The following CPNE9 variants were observed in gnomAD, a reference collection of about 807,000 sequenced individuals.
CPNE9 encodes the protein copine-9.
A neutral mutation model predicts 83.0 loss-of-function variants in CPNE9; 59 were observed. The ratio of observed to expected loss-of-function variants is 0.71; its 90% CI spans 0.58 to 0.88. The LOEUF (loss-of-function observed/expected upper bound fraction) is 0.88. Among genes scored for constraint, CPNE9 ranks in the 40% least tolerant of loss-of-function variants. CPNE9 has a pLI of 0.00. For synonymous variants in CPNE9, 256 were observed against 273.4 expected, an observed-to-expected ratio of 0.94 and a Z score of 0.63; for missense variants, 619 against 720.8, an observed-to-expected ratio of 0.86 and a Z score of 1.62.
intron 7 of CPNE9, among the ~76,000 whole-genome samples, chr3:9,712,315 G>A (rs1428708829): frequency 2.0e-5 from 3 of 152,152 alleles, no homozygotes; most frequent in African/African-American, 7.2e-5. Context: ...TCTTTCTCAT[G>A]CTACTGTTGT....
intron 17 of CPNE9, among the ~76,000 whole-genome samples, chr3:9,720,274 G>C (rs1306070824): frequency 6.6e-6 from 1 of 151,826 alleles, no homozygotes; most frequent in Non-Finnish European, 1.5e-5. Flanking sequence ...CCCTCAGAAA[G>C]CTCAGAAGTA....
At chr3:9,707,888 A>C (rs973089512) in intron 7 of CPNE9, among the ~76,000 whole-genome samples, 1 of 152,074 alleles carries the variant, frequency 6.6e-6, no homozygotes, top group Non-Finnish European at 1.5e-5. Context: ...TTATAAACAT[A>C]TAAAATGTTA....
Position 9,704,155 on chromosome 3 carries a change from C to T in CPNE9, c.68+91C>T. The T allele has an allele frequency of 1.6e-6, 2 of 1,249,806 alleles. No homozygotes were observed. Among genetic ancestry groups the T allele is most frequent in the Admixed American group, 2.5e-5 (1 of 39,842 alleles). The allele number at this position is 1,249,806 out of a possible 1,614,324, so 77.4% of individuals were successfully genotyped here. A position where few individuals can be genotyped will look rare whatever the true frequency, so the allele number is the denominator to read the frequency against. On this transcript the variant is annotated intron_variant, in intron 1 of 20. Transcript: ENST00000383832. This position sits in a 1 kb window ranked among gnomAD's most constrained non-coding sequence, Gnocchi z 7.1. The stretch of plus-strand genomic sequence containing the variant: ...CTCAGCCTGGGCAGGGGCTAGACCC[C>T]CGGGGAGAGGCGAAATTGGCTGGAA...
At chr3:9,708,318 A>C (rs923265441) in intron 7 of CPNE9, among the ~76,000 whole-genome samples, 2 of 152,178 alleles carry the variant, frequency 1.3e-5, no homozygotes, top group Non-Finnish European at 2.9e-5. Flanking sequence ...AGGACGGGAG[A>C]AAAAGAGAGA....
At chr3:9,718,712 C>A in intron 17 of CPNE9, 110 bp downstream of exon 17, 3 of 1,308,650 alleles carry the variant, frequency 2.3e-6, no homozygotes, top group Non-Finnish European at 2.1e-6. Flanking sequence ...TTGAAGTAAA[C>A]AGGAGAGGCC....
Position 9,729,701 on chromosome 3 carries a change from C to T in CPNE9, c.*9C>T, listed in dbSNP as rs191841074. On this transcript the variant is annotated 3_prime_UTR_variant, in exon 21 of 21. Transcript: ENST00000383832. ...CTCCAGAGCAGCCCTGAGGATTCCA[C>T]ATATCCAATGCCTCACAGTCTGCAA... is the stretch of plus-strand genomic sequence containing the variant. 93 of 1,606,530 alleles carry T rather than the reference C, an allele frequency of 5.8e-5. No homozygotes were observed. The highest frequency in any genetic ancestry group is 7.2e-5 in the Non-Finnish European group (85 of 1,174,422).
intron 4 of CPNE9, 22 bp from the exon 5 acceptor site, chr3:9,705,442 A>AAC: frequency 5.4e-6 from 3 of 559,448 alleles, no homozygotes; most frequent in Non-Finnish European, 8.6e-6. Flanking sequence ...CCCACCCCAC[A>AAC]CCGGTTCCAC....
chr3:9,704,900 A>G lies in CPNE9; in HGVS notation c.166A>G (p.Thr56Ala), dbSNP rs762105093. 1.9e-6 allele frequency: 3 copies of G among 1,613,034 alleles called. No homozygotes were observed. The highest frequency in any genetic ancestry group is 1.8e-4 in the Middle Eastern group (1 of 5,686). ...ASQEWREFGRTEVIDNTLNPD... is the reference protein window; with the variant it reads ...ASQEWREFGRAEVIDNTLNPD... ...CCACCCCCCTACCCAGTTCGGACGGACCGAGGTGATTGATAACACGCTGAA... is the reference window on the plus strand; with the variant it reads ...CCACCCCCCTACCCAGTTCGGACGGGCCGAGGTGATTGATAACACGCTGAA... Residue 56 changes from threonine to alanine, a missense_variant, in exon 4 of 21, where the codon ACC (threonine) becomes GCC (alanine). Physicochemically the swap from Thr to Ala is moderately conservative, Grantham distance 58 (BLOSUM62 0). Coordinates refer to ENST00000383832, the MANE Select transcript of CPNE9 (RefSeq NM_153635.3). The surrounding 1 kb of genome is among the most constrained non-coding windows in gnomAD (Gnocchi z 7.1).
At chr3:9,722,658 G>T (rs886673991) in intron 17 of CPNE9, among the ~76,000 whole-genome samples, 1 of 151,994 alleles carries the variant, frequency 6.6e-6, no homozygotes, top group Admixed American at 6.6e-5. Flanking sequence ...AAGACCACAG[G>T]TGCATGTCAC....
chr3:9,723,792 C>T (rs998493155), intron 17 of CPNE9, among the ~76,000 whole-genome samples: 1 of 152,190 alleles, frequency 6.6e-6, no homozygotes, highest in Non-Finnish European at 1.5e-5. Flanking sequence ...GATCCTCCTG[C>T]CTCAGCCTCC....
At chr3:9,721,065 T>C (rs951418823) in intron 17 of CPNE9, among the ~76,000 whole-genome samples, 7 of 152,256 alleles carry the variant, frequency 4.6e-5, no homozygotes, top group African/African-American at 1.7e-4. Flanking sequence ...TTACTGTTAC[T>C]ATTATTATCA....
intron 17 of CPNE9, among the ~76,000 whole-genome samples, chr3:9,718,862 G>A (rs2076709745): frequency 7.3e-6 from 1 of 136,550 alleles, no homozygotes; most frequent in Non-Finnish European, 1.5e-5. Context: ...TTTTGAGACA[G>A]AGTCTTGCTC....
rs1248010985 is a variant in CPNE9, at chr3:9,729,621, AC to A, written c.1593del (p.Arg532GlufsTer65). On this transcript the variant is annotated frameshift_variant, in exon 21 of 21. Transcript: ENST00000383832. LOFTEE classifies it high-confidence loss of function. ...GGAGCAGCTGCTGTCCTATATGCGC[AC>A]CAGAGACATCCAGCCTCGGCCCCCA... ...IPEQLLSYMRTRDIQPRPPPP... is the reference protein window; with the variant it reads ...IPEQLLSYMRXRDIQPRPPPP... The A allele has an allele frequency of 6.2e-7, 1 of 1,614,020 alleles. No individual in the cohort carries two copies. The highest frequency in any genetic ancestry group is 1.1e-5 in the South Asian group (1 of 91,064).
At chr3:9,705,966 C>A in intron 6 of CPNE9, 21 bp from the exon 7 acceptor site, 1 of 1,611,762 alleles carries the variant, frequency 6.2e-7, no homozygotes, top group Non-Finnish European at 8.5e-7. Flanking sequence ...TCTGGTCTTG[C>A]TGACTCCTTG....
At chr3:9,729,445 C>T in intron 20 of CPNE9, 62 bp from the exon 21 acceptor site, 1 of 1,515,832 alleles carries the variant, frequency 6.6e-7, no homozygotes, top group Non-Finnish European at 8.9e-7. Context: ...AGCCTCCCTG[C>T]TGCACCCCCA....
In CPNE9 at chr3:9,715,340, C is replaced by T. The variant is rs769844455; in HGVS notation, c.744C>T (p.Ala248=). 6.2e-7 allele frequency: 1 copy of T among 1,614,218 alleles called. No individual in the cohort carries two copies. The highest frequency in any genetic ancestry group is 1.3e-5 in the African/African-American group (1 of 75,058). ...FTTSYRELSK[A]QNQFTVYEVL... is the part of the protein sequence containing the mutation. ...CCAGCTACCGGGAGCTGAGCAAGGCCCAGAACCAGTTCACAGTATATGAGG... is the reference window on the plus strand; with the variant it reads ...CCAGCTACCGGGAGCTGAGCAAGGCTCAGAACCAGTTCACAGTATATGAGG... The change falls in exon 12 of 21, where the codon GCC becomes GCT. Residue 248 remains alanine, a synonymous_variant. Coordinates refer to ENST00000383832, the MANE Select transcript of CPNE9 (RefSeq NM_153635.3).
chr3:9,717,981 A>G (rs1323290387), intron 15 of CPNE9, 48 bp from the exon 16 acceptor site: 1 of 1,510,494 alleles, frequency 6.6e-7, no homozygotes, highest in South Asian at 1.2e-5. Context: ...AGGTGAACAG[A>G]TGGATGATCC....
At chr3:9,713,824 C>A (rs947374196) in intron 10 of CPNE9, among the ~76,000 whole-genome samples, 1 of 152,100 alleles carries the variant, frequency 6.6e-6, no homozygotes, top group African/African-American at 2.4e-5. Context: ...GTAATCCCAG[C>A]ACTTTGGGAG....
At chr3:9,708,486 C>A (rs1394991315) in intron 7 of CPNE9, among the ~76,000 whole-genome samples, 3 of 152,194 alleles carry the variant, frequency 2.0e-5, no homozygotes, top group African/African-American at 7.2e-5. Flanking sequence ...GAGAGAGTTA[C>A]CAACCACATC....
Sources: gnomAD v4.1 joint callset for allele counts (sites outside exome capture counted in the v4.1 genomes callset) on GRCh38, gnomAD v4.1.1 for gene constraint, Gnocchi (gnomAD v3.1) non-coding constraint, MANE v1.5 for transcripts, NCBI Gene and HGNC (gene_info 2026-07-23, HGNC 2026-07-21) for gene names.